LRRTM4: variants seen among roughly 807,000 people sequenced by gnomAD.
LRRTM4 encodes leucine-rich repeat transmembrane neuronal protein 4.
Under a neutral mutation model 47.6 loss-of-function variants are expected in LRRTM4, and 25 were observed. The ratio of observed to expected loss-of-function variants is 0.53; its 90% CI spans 0.38 to 0.73. The LOEUF is 0.73. LRRTM4 is among the 30% of genes least tolerant of loss of function. The probability of loss-of-function intolerance (pLI) is 0.00; values close to 1 mark genes in which losing one functional copy is unlikely to be tolerated. For missense variants in LRRTM4, 638 were observed against 713.4 expected, an observed-to-expected ratio of 0.89 and a Z score of 1.20; for synonymous variants, 311 against 269.5, an observed-to-expected ratio of 1.15 and a Z score of -1.51.
chr2:77,424,111 C>A (rs979884397), intron 3 of LRRTM4, among the ~76,000 whole-genome samples: 12 of 151,924 alleles, frequency 7.9e-5, no homozygotes, highest in African/African-American at 2.9e-4. Flanking sequence ...GCAGATGTTA[C>A]TGTACTTAAG....
At chr2:76,789,478 G>C (rs1188008289) in intron 3 of LRRTM4, among the ~76,000 whole-genome samples, 1 of 152,136 alleles carries the variant, frequency 6.6e-6, no homozygotes, top group Non-Finnish European at 1.5e-5. Context: ...AGGGCTTCTG[G>C]CTTGATAAAT....
intron 3 of LRRTM4, among the ~76,000 whole-genome samples, chr2:77,496,401 C>T (rs1678366134): frequency 6.6e-6 from 1 of 151,708 alleles, no homozygotes; most frequent in African/African-American, 2.4e-5. Flanking sequence ...TTGTCTTGCT[C>T]CTGATCTTAG....
chr2:76,774,031 A>G (rs1673839538), intron 3 of LRRTM4, among the ~76,000 whole-genome samples: 1 of 152,188 alleles, frequency 6.6e-6, no homozygotes, highest in African/African-American at 2.4e-5. Flanking sequence ...CAAAATCCAT[A>G]TATATCTTTT....
intron 3 of LRRTM4, among the ~76,000 whole-genome samples, chr2:76,773,545 AT>A: frequency 6.6e-6 from 1 of 152,284 alleles, no homozygotes; most frequent in Admixed American, 6.5e-5. Flanking sequence ...GTCATTTATC[AT>A]TCTAGAAGTT....
chr2:77,154,208 T>C (rs1185902629), intron 3 of LRRTM4, among the ~76,000 whole-genome samples: 1 of 152,194 alleles, frequency 6.6e-6, no homozygotes, highest in East Asian at 1.9e-4. Context: ...CTAGTTTCCA[T>C]GTCTAACAAT....
intron 3 of LRRTM4, among the ~76,000 whole-genome samples, chr2:76,890,888 G>C (rs113397316): frequency 0.013 from 2,028 of 151,912 alleles, 46 homozygotes; most frequent in African/African-American, 0.047. Flanking sequence ...ATAAAATAAG[G>C]GTACAGAGGC....
chr2:77,320,478 T>G (rs1677756995), intron 3 of LRRTM4, among the ~76,000 whole-genome samples: 1 of 152,174 alleles, frequency 6.6e-6, no homozygotes, highest in African/African-American at 2.4e-5. Flanking sequence ...TTACAATTAT[T>G]ATAAAAATAC....
At chr2:77,251,446 A>C (rs1456969082) in intron 3 of LRRTM4, among the ~76,000 whole-genome samples, 1 of 151,904 alleles carries the variant, frequency 6.6e-6, no homozygotes, top group African/African-American at 2.4e-5. Flanking sequence ...ATTGAGATGA[A>C]AAGGAAGCTA....
At chr2:77,365,944 TTA>T (rs1219778488) in intron 3 of LRRTM4, among the ~76,000 whole-genome samples, 4 of 148,750 alleles carry the variant, frequency 2.7e-5, no homozygotes, top group African/African-American at 9.8e-5. Flanking sequence ...TTTTCCTACA[TTA>T]TATATATATA....
intron 3 of LRRTM4, among the ~76,000 whole-genome samples, chr2:76,857,412 G>T (rs566427070): frequency 7.3e-5 from 11 of 151,230 alleles, no homozygotes; most frequent in African/African-American, 2.7e-4. Context: ...ATACAAATGT[G>T]TGTTATTTGA....
chr2:77,090,281 G>C (rs570850061), intron 3 of LRRTM4, among the ~76,000 whole-genome samples: 1 of 152,102 alleles, frequency 6.6e-6, no homozygotes, highest in Non-Finnish European at 1.5e-5. Flanking sequence ...AATCAGAAGC[G>C]TTTAGGCTCT....
At chr2:77,339,332 C>G (rs1671283600) in intron 3 of LRRTM4, among the ~76,000 whole-genome samples, 1 of 151,940 alleles carries the variant, frequency 6.6e-6, no homozygotes, top group South Asian at 2.1e-4. Context: ...AAATGACTTT[C>G]TAAAAATACT....
intron 3 of LRRTM4, among the ~76,000 whole-genome samples, chr2:77,002,525 C>T (rs1287159519): frequency 2.0e-5 from 3 of 152,144 alleles, no homozygotes; most frequent in African/African-American, 4.8e-5. Context: ...CTATTTCCTT[C>T]TAATTGCTAT....
intron 3 of LRRTM4, among the ~76,000 whole-genome samples, chr2:77,377,346 G>A (rs1672875896): frequency 6.6e-6 from 1 of 151,848 alleles, no homozygotes; most frequent in Non-Finnish European, 1.5e-5. Context: ...CTATTGATAT[G>A]TGTATATTGA....
chr2:77,409,227 G>C (rs1304278436), intron 3 of LRRTM4, among the ~76,000 whole-genome samples: 1 of 150,772 alleles, frequency 6.6e-6, no homozygotes, highest in Non-Finnish European at 1.5e-5. Context: ...CTTTTTTTTT[G>C]TCTTTGTCTT....
rs567902539 is a variant in LRRTM4 at position 76,904,593 on chromosome 2, G to C, written c.1552-155677C>G. On this transcript the variant is annotated intron_variant, in intron 3 of 3. Transcript: ENST00000409884. ...TTAGTGGGAGTATAGAAAATCTTTA[G>C]AACTCTAAAAGAAGCTATTTTTATA... 9.2e-5 allele frequency among the ~76,000 whole-genome samples: 14 copies of C among 152,200 alleles called. No individual in the cohort carries two copies. In the South Asian group the frequency reaches 1.5e-3, roughly 16 times the overall value.
intron 3 of LRRTM4, among the ~76,000 whole-genome samples, chr2:77,494,181 G>A (rs1003874720): frequency 6.6e-6 from 1 of 152,058 alleles, no homozygotes. Context: ...TGCTGTTCTT[G>A]TATATAATAA....
intron 3 of LRRTM4, among the ~76,000 whole-genome samples, chr2:77,114,688 G>A (rs1481636484): frequency 6.6e-6 from 1 of 152,144 alleles, no homozygotes; most frequent in East Asian, 1.9e-4. Flanking sequence ...TACAAAGAGA[G>A]AAATTTTACA....
At chr2:77,138,693 T>C (rs769098455) in intron 3 of LRRTM4, among the ~76,000 whole-genome samples, 1 of 152,108 alleles carries the variant, frequency 6.6e-6, no homozygotes, top group African/African-American at 2.4e-5. Context: ...AGCTCGTTTT[T>C]TGAAAAGATC....
Sources: gnomAD v4.1 joint callset for allele counts (sites outside exome capture counted in the v4.1 genomes callset) on GRCh38, gnomAD v4.1.1 for gene constraint, MANE v1.5 for transcripts, NCBI Gene and HGNC (gene_info 2026-07-23, HGNC 2026-07-21) for gene names.